The following REPS2 variants were observed in gnomAD, a reference collection of about 807,000 sequenced individuals.
The protein encoded by REPS2 is ralBP1-associated Eps domain-containing protein 2.
Under a neutral mutation model 53.6 loss-of-function variants are expected in REPS2, and 23 were observed. The observed-to-expected ratio is 0.43, with a 90% CI of 0.31 to 0.61. REPS2 has a LOEUF of 0.61. Ranked by LOEUF, REPS2 falls within the 20% of genes least tolerant of loss-of-function variation. REPS2 has a pLI of 0.11. For synonymous variants in REPS2, 238 were observed against 218.6 expected, an observed-to-expected ratio of 1.09 and a Z score of -0.78; for missense variants, 446 against 534.9, an observed-to-expected ratio of 0.83 and a Z score of 1.64.
At chrX:16,970,574 C>T (rs898776575) in intron 1 of REPS2, among the ~76,000 whole-genome samples, 1 of 112,263 alleles carries the variant, frequency 8.9e-6, no homozygotes, top group East Asian at 2.8e-4. Flanking sequence ...TTAAAGTGTA[C>T]AATTCAGTGG....
intron 5 of REPS2, among the ~76,000 whole-genome samples, chrX:17,034,644 T>A (rs1446608606): frequency 8.9e-6 from 1 of 111,958 alleles, no homozygotes; most frequent in Admixed American, 9.5e-5. Flanking sequence ...CTAGAAAAAA[T>A]TATCTTTTAT....
intron 5 of REPS2, among the ~76,000 whole-genome samples, chrX:17,041,319 C>A (rs1407289246): frequency 9.0e-6 from 1 of 111,649 alleles, no homozygotes; most frequent in Non-Finnish European, 1.9e-5. Flanking sequence ...CACCTCTACA[C>A]CAGGCATAGT....
chrX:17,062,356 C>T (rs2062169469), intron 8 of REPS2, 82 bp from the exon 9 acceptor site: 1 of 713,994 alleles, frequency 1.4e-6, no homozygotes, highest in Non-Finnish European at 2.1e-6. Context: ...TTATATTTAA[C>T]AAGCACAGAA....
intron 2 of REPS2, among the ~76,000 whole-genome samples, chrX:17,018,331 C>T (rs1299874111): frequency 9.2e-6 from 1 of 108,512 alleles, no homozygotes; most frequent in Non-Finnish European, 1.9e-5. Flanking sequence ...GGATTACAGG[C>T]GCATGCACCA....
chrX:17,052,331 G>C, intron 6 of REPS2, 51 bp from the exon 7 acceptor site: 1 of 1,012,317 alleles, frequency 9.9e-7, no homozygotes, highest in Non-Finnish European at 1.4e-6. Context: ...AAATGTAAAA[G>C]CTACTCTAGC....
rs60158929 is a variant in REPS2 at position 17,121,804 on chromosome X, C to T, written c.1579-12020C>T. Among the ~76,000 whole-genome samples the T allele has an allele frequency of 1.4e-3, 160 of 111,427 alleles. 3 individuals are homozygous for T. In the East Asian group the frequency reaches 0.019, roughly 13 times the overall value. On this transcript the variant is annotated intron_variant, in intron 14 of 17. Transcript: ENST00000357277. The stretch of plus-strand genomic sequence containing the variant: ...TCAGCTCACTGCAACCTCCGCTTCC[C>T]GGGTTCAAGCAATTTAGCTCACTGC...
chrX:17,114,934 G>T (rs2063026130), intron 14 of REPS2, among the ~76,000 whole-genome samples: 1 of 112,160 alleles, frequency 8.9e-6, no homozygotes, highest in Admixed American at 9.5e-5. Flanking sequence ...GGATTGTACT[G>T]TCAATCTATT....
chrX:16,976,124 C>T (rs779247214), intron 1 of REPS2, among the ~76,000 whole-genome samples: 1 of 111,593 alleles, frequency 9.0e-6, no homozygotes, highest in East Asian at 2.8e-4. Flanking sequence ...TATATGCCAT[C>T]ACAATATTTT....
the REPS2 span, among the ~76,000 whole-genome samples, chrX:17,192,121 T>G: frequency 8.9e-6 from 1 of 112,694 alleles, no homozygotes; most frequent in Admixed American, 9.3e-5. Context: ...CTCTCTCATT[T>G]TGAGTATTTA....
the REPS2 span, among the ~76,000 whole-genome samples, chrX:17,189,698 CTGTGTGTGTCTGTGTCTG>C: frequency 9.1e-6 from 1 of 110,306 alleles, no homozygotes; most frequent in African/African-American, 3.3e-5. Context: ...GTCTGTGTGT[CTGTGTGTGTCTGTGTCTG>C]TGTGTGTGTA....
chrX:16,951,795 G>A, intron 1 of REPS2, among the ~76,000 whole-genome samples: 1 of 111,775 alleles, frequency 8.9e-6, no homozygotes, highest in Non-Finnish European at 1.9e-5. Flanking sequence ...TTAACAGACC[G>A]CTTTATAATA....
At chrX:17,064,895 A>G (rs1045838827) in intron 9 of REPS2, among the ~76,000 whole-genome samples, 2 of 112,341 alleles carry the variant, frequency 1.8e-5, no homozygotes, top group Admixed American at 9.4e-5. Context: ...GTGTTTTGTG[A>G]CCGTATTCTT....
At chrX:17,078,559 T>C (rs1823319979) in intron 13 of REPS2, among the ~76,000 whole-genome samples, 1 of 112,299 alleles carries the variant, frequency 8.9e-6, no homozygotes, top group Non-Finnish European at 1.9e-5. Flanking sequence ...GACTGGTATG[T>C]AGGGTGGGAG....
chrX:17,001,666 C>T (rs759279921), intron 1 of REPS2, among the ~76,000 whole-genome samples: 1 of 112,087 alleles, frequency 8.9e-6, no homozygotes, highest in East Asian at 2.8e-4. Flanking sequence ...GAATGTGGAC[C>T]ATATGTTGTA....
Position 16,993,927 on chromosome X carries a change from ATCTT to A in REPS2, c.274-12288_274-12285del, listed in dbSNP as rs1388086831. ...TATTGGCAGGATATTGTGTAGCTACATCTTTCTTTAGGAAGACCAGGGACAAGGC... is the reference window on the plus strand; with the variant it reads ...TATTGGCAGGATATTGTGTAGCTACATCTTTAGGAAGACCAGGGACAAGGC... On this transcript the variant is annotated intron_variant, in intron 1 of 17. Transcript: ENST00000357277. 1.8e-4 allele frequency among the ~76,000 whole-genome samples: 20 copies of A among 112,912 alleles called. No homozygotes were observed. The Admixed American group carries it at 1.9e-3, about 11-fold the overall frequency.
At chrX:17,098,990 C>T (rs779898021) in intron 13 of REPS2, among the ~76,000 whole-genome samples, 5 of 111,577 alleles carry the variant, frequency 4.5e-5, no homozygotes, top group Non-Finnish European at 9.4e-5. Context: ...TCTGCTTGTA[C>T]TGTATACTCT....
chrX:16,993,537 G>A (rs1337876577), intron 1 of REPS2, among the ~76,000 whole-genome samples: 1 of 111,378 alleles, frequency 9.0e-6, no homozygotes, highest in Admixed American at 9.5e-5. Flanking sequence ...CCTCCTGGAG[G>A]AAGAGAGACT....
intron 1 of REPS2, among the ~76,000 whole-genome samples, chrX:16,979,077 TACAG>T (rs758050859): frequency 8.9e-6 from 1 of 112,163 alleles, no homozygotes; most frequent in African/African-American, 3.2e-5. Flanking sequence ...CTGTTTATAT[TACAG>T]ACAAAATGCT....
chrX:17,099,863 A>G, intron 13 of REPS2: 1 of 690,173 alleles, frequency 1.4e-6, no homozygotes, highest in Non-Finnish European at 2.4e-6. Context: ...GGCATTTGAC[A>G]TTGACTTCCT....
Sources: gnomAD v4.1 joint callset for allele counts (sites outside exome capture counted in the v4.1 genomes callset) on GRCh38, gnomAD v4.1.1 for gene constraint, MANE v1.5 for transcripts, NCBI Gene and HGNC (gene_info 2026-07-23, HGNC 2026-07-21) for gene names.